CACNB2: variants seen among roughly 807,000 people sequenced by gnomAD.
The protein encoded by CACNB2 is voltage-dependent L-type calcium channel subunit beta-2.
CACNB2 carries 42 observed loss-of-function variants against 73.3 expected under a neutral mutation model. The observed-to-expected ratio is 0.57, with a 90% CI of 0.45 to 0.74. The LOEUF is 0.74. Ranked by LOEUF, CACNB2 falls within the 30% of genes least tolerant of loss-of-function variation. The probability of loss-of-function intolerance (pLI) is 0.00; values close to 1 mark genes in which losing one functional copy is unlikely to be tolerated. For synonymous variants in CACNB2, 348 were observed against 310.3 expected (o/e 1.12, Z -1.28); for missense variants, 940 against 853.0 (o/e 1.10, Z -1.27).
chr10:18,402,549 T>C (rs2044061820), intron 3 of CACNB2, among the ~76,000 whole-genome samples: 1 of 152,368 alleles, frequency 6.6e-6, no homozygotes, highest in East Asian at 1.9e-4. Context: ...GAGGATTTTA[T>C]TGATTTTTAA....
intron 2 of CACNB2, among the ~76,000 whole-genome samples, chr10:18,315,058 G>A (rs984073216): frequency 2.0e-5 from 3 of 152,114 alleles, no homozygotes; most frequent in East Asian, 1.9e-4. Context: ...GGGACCAGGC[G>A]CCATGGCTCA....
intron 2 of CACNB2, among the ~76,000 whole-genome samples, chr10:18,293,333 T>G (rs1416120693): frequency 6.6e-6 from 1 of 152,206 alleles, no homozygotes; most frequent in African/African-American, 2.4e-5. Flanking sequence ...TGAGTTTCTT[T>G]CCCTCCTTAT....
At chr10:18,269,171 G>A (rs2131634014) in intron 2 of CACNB2, among the ~76,000 whole-genome samples, 1 of 152,256 alleles carries the variant, frequency 6.6e-6, no homozygotes, top group East Asian at 1.9e-4. Flanking sequence ...AAGGTCAGAA[G>A]GAATATATGA....
At chr10:18,505,575 T>C (rs1297948663) in intron 5 of CACNB2, among the ~76,000 whole-genome samples, 3 of 152,180 alleles carry the variant, frequency 2.0e-5, no homozygotes, top group African/African-American at 7.2e-5. Context: ...GCATAAACAC[T>C]GTAGCAAATT....
At chr10:18,442,961 T>C (rs1272243617) in intron 3 of CACNB2, among the ~76,000 whole-genome samples, 3 of 30,894 alleles carry the variant, frequency 9.7e-5, no homozygotes, top group African/African-American at 7.7e-4. Flanking sequence ...TATATATGTA[T>C]ATATATATGT....
At position 18,540,368 on chromosome 10, in the gene CACNB2, A is replaced by G. The variant is rs2054006987; in HGVS notation, c.*644A>G. The G allele has an allele frequency of 6.6e-6, 1 of 152,204 alleles. No homozygotes were observed. The highest frequency in any genetic ancestry group is 2.4e-5 in the African/African-American group (1 of 41,364). 9.4% of individuals were successfully genotyped at this position (152,204 alleles called of 1,614,324 possible). On this transcript the variant is annotated 3_prime_UTR_variant, in exon 14 of 14. Transcript: ENST00000324631. ...TATATCAGTTTGATCACACTATTTT[A>G]GAGTCTTAATGCCAAGTCAGCAGAT...
chr10:18,446,538 G>T (rs900900263), intron 3 of CACNB2, among the ~76,000 whole-genome samples: 1 of 152,150 alleles, frequency 6.6e-6, no homozygotes, highest in African/African-American at 2.4e-5. Flanking sequence ...AGACAAGAGA[G>T]GAGATGGGTG....
chr10:18,368,526 G>A (rs1429564367), intron 2 of CACNB2, among the ~76,000 whole-genome samples: 2 of 152,126 alleles, frequency 1.3e-5, no homozygotes, highest in Non-Finnish European at 2.9e-5. Flanking sequence ...CTATTTAAGA[G>A]TTGCATTTAA....
rs568788737 is a variant in CACNB2 at position 18,541,838 on chromosome 10, G to C, written c.*2114G>C. 1 of 151,488 alleles carries C rather than the reference G, an allele frequency of 6.6e-6. No individual in the cohort carries two copies. The highest frequency in any genetic ancestry group is 1.9e-4 in the East Asian group (1 of 5,166). The allele number at this position is 151,488 out of a possible 1,614,324, so 9.4% of individuals were successfully genotyped here. On this transcript the variant is annotated 3_prime_UTR_variant, in exon 14 of 14. Coordinates refer to ENST00000324631, the MANE Select transcript of CACNB2 (RefSeq NM_201596.3). ...GATCACACCACTGTACTCCAGCCTG[G>C]GTGACAGAGTGAGACTCCATCTCCA...
intron 2 of CACNB2, among the ~76,000 whole-genome samples, chr10:18,235,058 G>A (rs1244367919): frequency 6.6e-6 from 1 of 151,296 alleles, no homozygotes; most frequent in Admixed American, 6.6e-5. Flanking sequence ...CAGGAGAATG[G>A]CATGAACCCG....
At chr10:18,254,386 A>G (rs1218019051) in intron 2 of CACNB2, among the ~76,000 whole-genome samples, 1 of 152,186 alleles carries the variant, frequency 6.6e-6, no homozygotes, top group African/African-American at 2.4e-5. Flanking sequence ...TGTGCATTCC[A>G]TGATTATTAG....
At chr10:18,239,053 TG>T (rs938278543) in intron 2 of CACNB2, among the ~76,000 whole-genome samples, 1 of 152,146 alleles carries the variant, frequency 6.6e-6, no homozygotes, top group African/African-American at 2.4e-5. Flanking sequence ...ATCTTTTCAG[TG>T]GGGGCAGTAT....
intron 5 of CACNB2, among the ~76,000 whole-genome samples, chr10:18,505,694 G>A (rs1393184683): frequency 1.3e-5 from 2 of 152,090 alleles, no homozygotes; most frequent in Non-Finnish European, 2.9e-5. Flanking sequence ...GGGGTCATTC[G>A]GTAACACGTT....
chr10:18,485,693 C>G (rs1005507158), intron 3 of CACNB2, among the ~76,000 whole-genome samples: 2 of 151,562 alleles, frequency 1.3e-5, no homozygotes, highest in African/African-American at 4.8e-5. Flanking sequence ...TCCCAAGTAG[C>G]TGGGATTACA....
rs1489491866 is a variant in CACNB2 at position 18,289,284 on chromosome 10, G to GTTTTTTTTTTTTTTTTTTT, written c.214-112633_214-112632insTTTTTTTTTTTTTTTTTTT. The stretch of plus-strand genomic sequence containing the variant: ...GAAGTTGTCTTCATTTTTTTTTCTT[G>GTTTTTTTTTTTTTTTTTTT]TTTTTTTGTTTTGTTTTTTTTTTTT... On this transcript the variant is annotated intron_variant, in intron 2 of 13. Coordinates refer to ENST00000324631, the MANE Select transcript of CACNB2 (RefSeq NM_201596.3). Among the ~76,000 whole-genome samples the GTTTTTTTTTTTTTTTTTTT allele has an allele frequency of 2.3e-4, 20 of 85,566 alleles. 1 individual carries two copies. Among genetic ancestry groups the GTTTTTTTTTTTTTTTTTTT allele is most frequent in the African/African-American group, 2.9e-4 (5 of 17,138 alleles). The allele number at this position is 85,566 out of a possible 152,430, so 56.1% of individuals were successfully genotyped here. A position where few individuals can be genotyped will look rare whatever the true frequency, so the allele number is the denominator to read the frequency against.
At chr10:18,443,780 T>A (rs2046596101) in intron 3 of CACNB2, among the ~76,000 whole-genome samples, 1 of 150,836 alleles carries the variant, frequency 6.6e-6, no homozygotes, top group Non-Finnish European at 1.5e-5. Context: ...AGTGGCATGA[T>A]CTCAGCTCAC....
At chr10:18,305,123 C>T (rs2039677783) in intron 2 of CACNB2, among the ~76,000 whole-genome samples, 1 of 152,188 alleles carries the variant, frequency 6.6e-6, no homozygotes, top group Non-Finnish European at 1.5e-5. Context: ...ATATTCTCCC[C>T]TGTGGGAACT....
At position 18,518,368 on chromosome 10, in the gene CACNB2, T is replaced by G; in HGVS notation, c.837T>G (p.Pro279=). 3.7e-6 allele frequency: 6 copies of G among 1,612,996 alleles called. No individual in the cohort carries two copies. Among genetic ancestry groups the G allele is most frequent in the Non-Finnish European group, 5.1e-6 (6 of 1,179,020 alleles). Residue 279 remains proline, a synonymous_variant, in exon 8 of 14, where the codon CCT becomes CCG. Transcript: ENST00000324631. ...TEHTPPYDVV[P]SMRPVVLVGP... ...ACACTCCTCCGTATGATGTGGTACC[T>G]TCCATGCGACCAGTGGTCCTAGTGG...
At chr10:18,332,793 A>C (rs1446712849) in intron 2 of CACNB2, among the ~76,000 whole-genome samples, 1 of 152,240 alleles carries the variant, frequency 6.6e-6, no homozygotes, top group Non-Finnish European at 1.5e-5. Context: ...AATACATTGA[A>C]TTAGTTAGAT....
Sources: allele counts gnomAD v4.1 joint callset (sites outside exome capture counted in the v4.1 genomes callset), GRCh38; gene constraint gnomAD v4.1.1; transcripts MANE v1.5; gene names NCBI Gene and HGNC (gene_info 2026-07-23, HGNC 2026-07-21).